The following FIGNL2 variants were observed in gnomAD, a reference collection of about 807,000 sequenced individuals.
The protein encoded by FIGNL2 is fidgetin like 2.
For synonymous variants in FIGNL2, 565 were observed against 484.0 expected (o/e 1.17, Z -2.20); for missense variants, 1,060 against 950.2 (o/e 1.12, Z -1.52).
At chr12:51,836,174 A>G (rs1939575580) in intron 1 of FIGNL2, among the ~76,000 whole-genome samples, 1 of 152,046 alleles carries the variant, frequency 6.6e-6, no homozygotes, top group South Asian at 2.1e-4. Context: ...TTTCCCTAGA[A>G]CCAGGGGAGG....
At position 51,825,111 on chromosome 12, in the gene FIGNL2, G is replaced by GTT. The variant is rs60029830; in HGVS notation, c.-11-2689_-11-2688dup. On this transcript the variant is annotated intron_variant, in intron 1 of 1. Coordinates refer to ENST00000618634, the MANE Select transcript of FIGNL2 (RefSeq NM_001384995.1). Reference sequence around the variant, plus strand: ...GTGTTACTATCCAGACCACAAATCTGTTTTTTTTTTTCTATTTACTATTCT... The same window carrying GTT: ...GTGTTACTATCCAGACCACAAATCTGTTTTTTTTTTTTTCTATTTACTATTCT... Among the ~76,000 whole-genome samples the GTT allele has an allele frequency of 3.8e-4, 56 of 147,916 alleles. No homozygotes were observed. In the South Asian group the frequency reaches 3.8e-3, roughly 10 times the overall value.
intron 1 of FIGNL2, among the ~76,000 whole-genome samples, chr12:51,827,839 C>T (rs1217122316): frequency 6.6e-6 from 1 of 152,192 alleles, no homozygotes; most frequent in African/African-American, 2.4e-5. Flanking sequence ...ATCTCTAATG[C>T]AGCCGTCATA....
chr12:51,821,106 C>T lies in FIGNL2; in HGVS notation c.1308G>A (p.Ala436=), dbSNP rs773593313. 2.3e-3 allele frequency: 3,211 copies of T among 1,376,992 alleles called. 5 individuals carry two copies. Among genetic ancestry groups the T allele is most frequent in the Non-Finnish European group, 2.8e-3 (3,043 of 1,076,242 alleles). 85.3% of individuals were successfully genotyped at this position (1,376,992 alleles called of 1,614,324 possible). A position where few individuals can be genotyped will look rare whatever the true frequency, so the allele number is the denominator to read the frequency against. The change falls in exon 2 of 2, where the codon GCG becomes GCA. Residue 436 remains alanine, a synonymous_variant. Coordinates refer to ENST00000618634, the MANE Select transcript of FIGNL2 (RefSeq NM_001384995.1). ...RTVLLFGPRG[A]GKALLGRCLA... ...GGCAGCGGCCCAGCAGCGCTTTGCC[C>T]GCGCCCCGCGGCCCAAAGAGCAGGA...
intron 1 of FIGNL2, among the ~76,000 whole-genome samples, chr12:51,835,002 C>T (rs1404130394): frequency 2.0e-5 from 3 of 152,184 alleles, no homozygotes; most frequent in African/African-American, 7.2e-5. Flanking sequence ...GGGACTCAGC[C>T]CATGTGTCAA....
At chr12:51,847,136 A>G (rs1273216476) in intron 1 of FIGNL2, 2 of 985,302 alleles carry the variant, frequency 2.0e-6, no homozygotes, top group African/African-American at 3.5e-5. Flanking sequence ...GGGCTCAGGC[A>G]CAGCGGGGAA....
rs1364531297 is a variant in FIGNL2, at chr12:51,820,826, G to T, written c.1588C>A (p.Leu530Met). Residue 530 changes from leucine to methionine, a missense_variant, in exon 2 of 2, where the codon CTG becomes ATG. Physicochemically the swap from Leu to Met is conservative, Grantham distance 15. Coordinates refer to ENST00000618634, the MANE Select transcript of FIGNL2 (RefSeq NM_001384995.1). Reference sequence around the variant, plus strand: ...GGCCGCGAGGTGGTGCCCACAACCAGCACGCCGTCAGCCCCCGCGCCGCAG... The same window carrying T: ...GGCCGCGAGGTGGTGCCCACAACCATCACGCCGTCAGCCCCCGCGCCGCAG... ...GGCGAGADGV[L>M]VVGTTSRPAA... 5 of 1,467,594 alleles carry T rather than the reference G, an allele frequency of 3.4e-6. No homozygotes were observed. The highest frequency in any genetic ancestry group is 3.6e-6 in the Non-Finnish European group (4 of 1,117,250). 90.9% of individuals were successfully genotyped at this position (1,467,594 alleles called of 1,614,324 possible). A position where few individuals can be genotyped will look rare whatever the true frequency, so the allele number is the denominator to read the frequency against.
Position 51,818,400 on chromosome 12 carries a change from A to C in FIGNL2, c.*2052T>G, listed in dbSNP as rs1939091037. 1 of 143,936 alleles carries C rather than the reference A, an allele frequency of 6.9e-6. No homozygotes were observed. The highest frequency in any genetic ancestry group is 1.5e-5 in the Non-Finnish European group (1 of 65,850). 8.9% of individuals were successfully genotyped at this position (143,936 alleles called of 1,614,324 possible). ...CACCCCCACCCCCCAATACATACAC[A>C]CCTGAGAGAGAACCCCTCACTCCAT... On this transcript the variant is annotated 3_prime_UTR_variant, in exon 2 of 2. Transcript: ENST00000618634.
intron 1 of FIGNL2, among the ~76,000 whole-genome samples, chr12:51,831,203 TAAAAAAGA>T (rs1939457405): frequency 6.6e-6 from 1 of 151,690 alleles, no homozygotes; most frequent in South Asian, 2.1e-4. Flanking sequence ...GTCATATAGC[TAAAAAAGA>T]AAAAAAGAGG....
chr12:51,832,533 G>A (rs979566630), intron 1 of FIGNL2, among the ~76,000 whole-genome samples: 23 of 151,726 alleles, frequency 1.5e-4, no homozygotes, highest in African/African-American at 5.1e-4. Context: ...AGGGACCTGC[G>A]CTCTCCTGGC....
intron 1 of FIGNL2, chr12:51,824,414 C>T (rs1939291541): frequency 6.6e-6 from 1 of 152,202 alleles, no homozygotes; most frequent in Non-Finnish European, 1.5e-5. Context: ...TGTGACCTGA[C>T]ATCAGTGGGA....
chr12:51,821,760 C>T lies in FIGNL2; in HGVS notation c.654G>A (p.Ala218=), dbSNP rs893279260. 12 of 1,280,438 alleles carry T rather than the reference C, an allele frequency of 9.4e-6. No homozygotes were observed. In the South Asian group the frequency reaches 1.4e-4, roughly 15 times the overall value. The allele number at this position is 1,280,438 out of a possible 1,614,324, so 79.3% of individuals were successfully genotyped here. ...GGGGTGGGCCTGGGGGCGGCGGGAG[C>T]GCGCCATAGCCGGGCTGCGCTGCGT... ...GGYAAQPGYG[A]LPPPPGPPPA... is the part of the protein sequence containing the mutation. The change falls in exon 2 of 2, where the codon GCG becomes GCA. Residue 218 remains alanine (A), a synonymous_variant. Transcript: ENST00000618634.
Position 51,821,351 on chromosome 12 carries a change from G to C in FIGNL2, c.1063C>G (p.Pro355Ala). Reference sequence around the variant, plus strand: ...GACGGCACGGCGAACCCCCCACGAGGAGCCGGGGCCCGCTCCGGGAACTTT... The same window carrying C: ...GACGGCACGGCGAACCCCCCACGAGCAGCCGGGGCCCGCTCCGGGAACTTT... ...FEKFPERAPAPRGGFAVPSGE... is the reference protein window; with the variant it reads ...FEKFPERAPAARGGFAVPSGE... Residue 355 changes from proline (P) to alanine (A), a missense_variant, in exon 2 of 2, where the codon CCT becomes GCT. Pro to Ala is a conservative substitution (Grantham distance 27). Coordinates refer to ENST00000618634, the MANE Select transcript of FIGNL2 (RefSeq NM_001384995.1). The C allele has an allele frequency of 1.3e-6, 2 of 1,501,818 alleles. No individual in the cohort carries two copies. Among genetic ancestry groups the C allele is most frequent in the South Asian group, 2.5e-5 (2 of 80,052 alleles). 93.0% of individuals were successfully genotyped at this position (1,501,818 alleles called of 1,614,324 possible).
chr12:51,827,055 A>G lies in FIGNL2; in HGVS notation c.-11-4631T>C, dbSNP rs575783294. 2.0e-5 allele frequency among the ~76,000 whole-genome samples: 3 copies of G among 152,342 alleles called. No individual in the cohort carries two copies. In the East Asian group the frequency reaches 5.8e-4, roughly 29 times the overall value. On this transcript the variant is annotated intron_variant, in intron 1 of 1. Coordinates refer to ENST00000618634, the MANE Select transcript of FIGNL2 (RefSeq NM_001384995.1). ...CCTTGCCTTCCTCCCCTAGCCCGCT[A>G]TAGGTGGAAAATGCTGTCTCCCTGC...
At chr12:51,844,628 G>C (rs927857809) in intron 1 of FIGNL2, 1 of 878,492 alleles carries the variant, frequency 1.1e-6, no homozygotes, top group African/African-American at 1.8e-5. Context: ...ATGAGATACA[G>C]AGTGTTTAAC....
At chr12:51,836,561 G>A (rs1939582151) in intron 1 of FIGNL2, among the ~76,000 whole-genome samples, 1 of 152,162 alleles carries the variant, frequency 6.6e-6, no homozygotes, top group Non-Finnish European at 1.5e-5. Flanking sequence ...CTGTTGGTGG[G>A]GGGCGGATAC....
intron 1 of FIGNL2, among the ~76,000 whole-genome samples, chr12:51,843,544 C>CA (rs5798189): frequency 0.32 from 40,112 of 124,786 alleles, 6,039 homozygotes; most frequent in East Asian, 0.54. Flanking sequence ...GAGACAATCT[C>CA]AAAAAAAAAA....
At position 51,820,306 on chromosome 12, in the gene FIGNL2, A is replaced by T; in HGVS notation, c.*146T>A. Reference sequence around the variant, plus strand: ...GCATTTTCCTTCCCACGAAAAAAAAAATATCCACCGGCAGACCCCTCCTGT... The same window carrying T: ...GCATTTTCCTTCCCACGAAAAAAAATATATCCACCGGCAGACCCCTCCTGT... On this transcript the variant is annotated 3_prime_UTR_variant, in exon 2 of 2. Transcript: ENST00000618634. 9.2e-7 allele frequency: 1 copy of T among 1,092,244 alleles called. No individual in the cohort carries two copies. The highest frequency in any genetic ancestry group is 1.3e-6 in the Non-Finnish European group (1 of 795,186). The allele number at this position is 1,092,244 out of a possible 1,614,324, so 67.7% of individuals were successfully genotyped here.
At chr12:51,840,947 G>A (rs1253449823) in intron 1 of FIGNL2, among the ~76,000 whole-genome samples, 3 of 152,202 alleles carry the variant, frequency 2.0e-5, no homozygotes, top group Admixed American at 1.3e-4. Context: ...GATCCTGTGT[G>A]CCCTAGCCCC....
Position 51,820,462 on chromosome 12 carries a change from G to A in FIGNL2, c.1952C>T (p.Ser651Phe), listed in dbSNP as rs545868458. The A allele has an allele frequency of 8.2e-6, 13 of 1,589,738 alleles. No homozygotes were observed. In the East Asian group the frequency reaches 2.7e-4, roughly 33 times the overall value. Reference sequence around the variant, plus strand: ...CTCCCCCGCGCGCCGTCAGTGTCCGGAGCCGTACATTTTGTCCCACTCCAC... The same window carrying A: ...CTCCCCCGCGCGCCGTCAGTGTCCGAAGCCGTACATTTTGTCCCACTCCAC... ...SFVEWDKMYG[S>F]GH The change falls in exon 2 of 2, where the codon TCC (serine) becomes TTC (phenylalanine). Residue 651 changes from serine (S) to phenylalanine (F), a missense_variant. Physicochemically the swap from Ser to Phe is radical, Grantham distance 155. Coordinates refer to ENST00000618634, the MANE Select transcript of FIGNL2 (RefSeq NM_001384995.1).
Sources: gnomAD v4.1 joint callset for allele counts (sites outside exome capture counted in the v4.1 genomes callset) on GRCh38, gnomAD v4.1.1 for gene constraint, MANE v1.5 for transcripts, NCBI Gene and HGNC (gene_info 2026-07-23, HGNC 2026-07-21) for gene names.